Variants in NLGN1 observed in about 807,000 individuals in gnomAD.
NLGN1 encodes neuroligin 1.
A neutral mutation model predicts 65.5 loss-of-function variants in NLGN1; 12 were observed. The observed-to-expected ratio is 0.18, with a 90% confidence interval of 0.12 to 0.30. The LOEUF (loss-of-function observed/expected upper bound fraction) is 0.30. Among genes scored for constraint, NLGN1 ranks in the 10% least tolerant of loss-of-function variants. NLGN1 has a pLI of 1.00. For missense variants in NLGN1, 750 were observed against 1,007.1 expected, an observed-to-expected ratio of 0.74 and a Z score of 3.46; for synonymous variants, 350 against 359.5, an observed-to-expected ratio of 0.97 and a Z score of 0.30.
At chr3:173,783,041 G>A (rs1177250617) in intron 3 of NLGN1, among the ~76,000 whole-genome samples, 1 of 152,046 alleles carries the variant, frequency 6.6e-6, no homozygotes, top group African/African-American at 2.4e-5. Context: ...AATTGCTAAT[G>A]TCTACAGAAA....
intron 4 of NLGN1, among the ~76,000 whole-genome samples, chr3:174,174,540 G>A (rs377409985): frequency 7.2e-5 from 11 of 151,750 alleles, no homozygotes; most frequent in East Asian, 1.9e-4. Context: ...AGGTGATATC[G>A]CATTGTGGTT....
chr3:174,046,457 A>G (rs985531291), intron 4 of NLGN1, among the ~76,000 whole-genome samples: 9 of 151,994 alleles, frequency 5.9e-5, no homozygotes, highest in African/African-American at 1.9e-4. Context: ...GGAGCTGTGA[A>G]GAGCTTCTGG....
At chr3:173,695,800 A>G (rs1766128564) in intron 3 of NLGN1, among the ~76,000 whole-genome samples, 1 of 152,152 alleles carries the variant, frequency 6.6e-6, no homozygotes, top group Non-Finnish European at 1.5e-5. Context: ...AATAATACTC[A>G]TATCATGGAA....
chr3:174,004,557 T>G (rs915204178), intron 4 of NLGN1, among the ~76,000 whole-genome samples: 1 of 152,202 alleles, frequency 6.6e-6, no homozygotes, highest in Non-Finnish European at 1.5e-5. Flanking sequence ...TGGACTCTCA[T>G]TTACTAATAT....
intron 1 of NLGN1, among the ~76,000 whole-genome samples, chr3:173,427,540 A>G (rs191074271): frequency 4.0e-5 from 6 of 151,888 alleles, no homozygotes; most frequent in South Asian, 2.1e-4. Flanking sequence ...AGGAATTTCA[A>G]AATTTTCTTT....
intron 4 of NLGN1, among the ~76,000 whole-genome samples, chr3:174,265,405 C>T (rs976425560): frequency 5.3e-4 from 80 of 152,230 alleles, no homozygotes; most frequent in African/African-American, 1.8e-3. Context: ...TAAGCCGGTC[C>T]GAAAAGCACA....
At chr3:173,896,273 C>A (rs898367816) in intron 4 of NLGN1, among the ~76,000 whole-genome samples, 1 of 152,234 alleles carries the variant, frequency 6.6e-6, no homozygotes, top group East Asian at 1.9e-4. Context: ...TTTGTGAAGT[C>A]CTCATGGGGG....
intron 5 of NLGN1, 27 bp from the exon 6 acceptor site, chr3:174,278,833 CT>C: frequency 6.8e-7 from 1 of 1,461,560 alleles, no homozygotes; most frequent in Non-Finnish European, 9.1e-7. Context: ...CAAAGATCAT[CT>C]AAAATTCTTT....
intron 2 of NLGN1, among the ~76,000 whole-genome samples, chr3:173,569,512 C>A (rs536772458): frequency 1.3e-5 from 2 of 151,216 alleles, no homozygotes; most frequent in African/African-American, 4.8e-5. Flanking sequence ...TCCCTCAAAT[C>A]TCCTTAAGAG....
At chr3:173,813,698 A>G (rs1483031989) in intron 4 of NLGN1, among the ~76,000 whole-genome samples, 3 of 152,254 alleles carry the variant, frequency 2.0e-5, no homozygotes, top group Non-Finnish European at 4.4e-5. Context: ...ATGAATATGT[A>G]CAACAGTTGA....
intron 4 of NLGN1, among the ~76,000 whole-genome samples, chr3:173,937,525 A>T (rs1745271907): frequency 6.6e-6 from 1 of 152,166 alleles, no homozygotes; most frequent in Non-Finnish European, 1.5e-5. Flanking sequence ...TACTACTGAG[A>T]ATTAAAAATC....
chr3:173,705,125 AT>A (rs1363945920), intron 3 of NLGN1, among the ~76,000 whole-genome samples: 1 of 152,018 alleles, frequency 6.6e-6, no homozygotes, highest in African/African-American at 2.4e-5. Context: ...ACAAATCAAT[AT>A]TTTTTTCAAC....
intron 2 of NLGN1, among the ~76,000 whole-genome samples, chr3:173,576,966 A>G (rs1441584579): frequency 6.6e-6 from 1 of 152,230 alleles, no homozygotes; most frequent in Non-Finnish European, 1.5e-5. Context: ...CAGGTGTGGC[A>G]TGGCACAACA....
chr3:174,217,444 A>G (rs1737825966), intron 4 of NLGN1, among the ~76,000 whole-genome samples: 8 of 152,164 alleles, frequency 5.3e-5, no homozygotes, highest in Admixed American at 5.2e-4. Context: ...ACAGTTCTAG[A>G]GACTGAAAGT....
At chr3:173,890,468 A>G (rs1261125205) in intron 4 of NLGN1, among the ~76,000 whole-genome samples, 1 of 152,150 alleles carries the variant, frequency 6.6e-6, no homozygotes, top group East Asian at 1.9e-4. Context: ...ATTAGCATCG[A>G]GCACAAAATG....
At chr3:173,656,294 C>T (rs1161238179) in intron 3 of NLGN1, among the ~76,000 whole-genome samples, 4 of 152,096 alleles carry the variant, frequency 2.6e-5, no homozygotes, top group Non-Finnish European at 5.9e-5. Flanking sequence ...CAAAAAGGAG[C>T]ACTGATTAAA....
At chr3:174,068,176 A>C (rs916352954) in intron 4 of NLGN1, among the ~76,000 whole-genome samples, 7 of 151,870 alleles carry the variant, frequency 4.6e-5, no homozygotes, top group African/African-American at 1.7e-4. Context: ...CAAGATCAGC[A>C]TACAGCTGGC....
intron 3 of NLGN1, among the ~76,000 whole-genome samples, chr3:173,730,801 A>G (rs934271400): frequency 1.3e-5 from 2 of 152,182 alleles, no homozygotes; most frequent in Non-Finnish European, 2.9e-5. Flanking sequence ...TTTCTTTTAA[A>G]TAGAACAAAA....
intron 4 of NLGN1, among the ~76,000 whole-genome samples, chr3:173,876,631 G>T (rs895797563): frequency 1.3e-5 from 2 of 152,022 alleles, no homozygotes; most frequent in African/African-American, 2.4e-5. Flanking sequence ...ATCTTTTGTT[G>T]CCAGAAAATA....
Sources: allele counts gnomAD v4.1 joint callset (sites outside exome capture counted in the v4.1 genomes callset), GRCh38; gene constraint gnomAD v4.1.1; transcripts MANE v1.5; gene names NCBI Gene and HGNC (gene_info 2026-07-23, HGNC 2026-07-21).